Variants in SEC14L1 observed in about 807,000 individuals in gnomAD.
SEC14L1 encodes the protein SEC14 like lipid binding 1, also known as SEC14-like protein 1.
A neutral mutation model predicts 85.3 loss-of-function variants in SEC14L1; 48 were observed. The ratio of observed to expected loss-of-function variants is 0.56; its 90% confidence interval spans 0.45 to 0.72. The LOEUF is 0.72. SEC14L1 is among the 30% of genes least tolerant of loss of function. The probability of loss-of-function intolerance (pLI) is 0.00; values close to 1 mark genes in which losing one functional copy is unlikely to be tolerated. For synonymous variants in SEC14L1, 391 were observed against 355.5 expected (o/e 1.10, Z -1.12); for missense variants, 682 against 921.4 (o/e 0.74, Z 3.36).
chr17:77,103,884 C>T (rs944794315), intron 3 of SEC14L1, among the ~76,000 whole-genome samples: 1 of 151,006 alleles, frequency 6.6e-6, no homozygotes, highest in Non-Finnish European at 1.5e-5. Flanking sequence ...CGGCACCGGG[C>T]GGGGTCCCAG....
At chr17:77,145,892 C>A (rs1286138557) in intron 3 of SEC14L1, among the ~76,000 whole-genome samples, 1 of 152,188 alleles carries the variant, frequency 6.6e-6, no homozygotes, top group African/African-American at 2.4e-5. Flanking sequence ...CTGCTTTGCT[C>A]ACTCCTAGTT....
chr17:77,106,585 G>A (rs1442751929), intron 3 of SEC14L1, among the ~76,000 whole-genome samples: 1 of 150,640 alleles, frequency 6.6e-6, no homozygotes, highest in Non-Finnish European at 1.5e-5. Flanking sequence ...TGGATCACCT[G>A]AGGTCAGGAG....
intron 8 of SEC14L1, among the ~76,000 whole-genome samples, chr17:77,197,168 A>G (rs1938546231): frequency 6.6e-6 from 1 of 152,230 alleles, no homozygotes; most frequent in South Asian, 2.1e-4. Context: ...CCACGTCAGT[A>G]GGCCACATGC....
intron 3 of SEC14L1, among the ~76,000 whole-genome samples, chr17:77,155,792 G>A (rs1199065346): frequency 1.3e-5 from 2 of 152,140 alleles, no homozygotes; most frequent in Non-Finnish European, 1.5e-5. Flanking sequence ...CTAGAATGCA[G>A]TGGTGCCATC....
chr17:77,136,150 C>T (rs1670319168), upstream of SEC14L1, among the ~76,000 whole-genome samples: 1 of 152,088 alleles, frequency 6.6e-6, no homozygotes, highest in African/African-American at 2.4e-5. Context: ...GTTGAGATTA[C>T]AGGCGTGAGC....
At chr17:77,109,739 G>A (rs2143355163) in intron 3 of SEC14L1, among the ~76,000 whole-genome samples, 1 of 152,222 alleles carries the variant, frequency 6.6e-6, no homozygotes, top group African/African-American at 2.4e-5. Context: ...CTCAGCCTTG[G>A]AAGGATATGC....
rs758634012 is a variant in SEC14L1, at chr17:77,200,712, T to G, written c.1009+39T>G. ...TTGAAACTGTGTTTCCATCGTTGTC[T>G]TGATGTGTGGTTGAAGATATCTTCC... On this transcript the variant is annotated intron_variant, in intron 9 of 16. Transcript: ENST00000436233. 21 of 1,579,444 alleles carry G rather than the reference T, an allele frequency of 1.3e-5. No homozygotes were observed. The South Asian group carries it at 2.1e-4, about 16-fold the overall frequency.
chr17:77,153,103 C>T (rs758923946), intron 3 of SEC14L1, among the ~76,000 whole-genome samples: 7 of 152,074 alleles, frequency 4.6e-5, no homozygotes, highest in Non-Finnish European at 8.8e-5. Flanking sequence ...GAGTTTCACT[C>T]GTCACCCAGG....
chr17:77,121,043 G>C (rs988373681), intron 3 of SEC14L1, among the ~76,000 whole-genome samples: 2 of 152,352 alleles, frequency 1.3e-5, no homozygotes, highest in Admixed American at 1.3e-4. Context: ...TGAGGTGGCA[G>C]CTCCATCGGT....
chr17:77,200,236 C>G (rs1365581784), intron 8 of SEC14L1, among the ~76,000 whole-genome samples: 1 of 152,052 alleles, frequency 6.6e-6, no homozygotes, highest in African/African-American at 2.4e-5. Context: ...GTAATGTGAT[C>G]TCGGCTCGCT....
intron 3 of SEC14L1, among the ~76,000 whole-genome samples, chr17:77,168,418 A>C (rs1178714837): frequency 6.6e-6 from 1 of 152,224 alleles, no homozygotes. Flanking sequence ...AGCTGTTTCT[A>C]TAAGTCCTTG....
chr17:77,206,288 G>C lies in SEC14L1; in HGVS notation c.1229G>C (p.Gly410Ala), dbSNP rs1264891219. 1.2e-6 allele frequency: 2 copies of C among 1,614,060 alleles called. No individual in the cohort carries two copies. The highest frequency in any genetic ancestry group is 1.7e-6 in the Non-Finnish European group (2 of 1,180,034). ...AACATGCGCCACTTGTGGAGACCTG[G>C]TGTGAAAGCGCTGCTGCGGATCATC... is the stretch of plus-strand genomic sequence containing the variant. ...GLNMRHLWRPGVKALLRIIEV... is the reference protein window; with the variant it reads ...GLNMRHLWRPAVKALLRIIEV... The change falls in exon 12 of 17, where the codon GGT becomes GCT. Residue 410 changes from glycine to alanine, a missense_variant. Coordinates refer to ENST00000436233, the MANE Select transcript of SEC14L1 (RefSeq NM_001143998.2). This position sits in a 1 kb window ranked among gnomAD's most constrained non-coding sequence, Gnocchi z 4.3.
At chr17:77,159,287 G>A (rs1404856371) in intron 3 of SEC14L1, among the ~76,000 whole-genome samples, 6 of 151,196 alleles carry the variant, frequency 4.0e-5, no homozygotes, top group Admixed American at 3.3e-4. Context: ...GGCTGGTCTC[G>A]AACTTCTGAC....
At chr17:77,175,094 G>A (rs2143706214) in intron 3 of SEC14L1, among the ~76,000 whole-genome samples, 1 of 152,346 alleles carries the variant, frequency 6.6e-6, no homozygotes, top group Admixed American at 6.5e-5. Flanking sequence ...CACAACAAGA[G>A]CAGGAGGGTT....
In SEC14L1 at chr17:77,142,762, C is replaced by T. The variant is rs773907697; in HGVS notation, c.-31+12C>T. The T allele has an allele frequency of 6.6e-6, 1 of 152,054 alleles. No homozygotes were observed. The highest frequency in any genetic ancestry group is 2.4e-5 in the African/African-American group (1 of 41,380). The allele number at this position is 152,054 out of a possible 1,614,324, so 9.4% of individuals were successfully genotyped here. ...CCTCAACAAGACAGGTAGGCTCATTCGATTTTTCTTTCTCACTTTAAATAG... is the reference window on the plus strand; with the variant it reads ...CCTCAACAAGACAGGTAGGCTCATTTGATTTTTCTTTCTCACTTTAAATAG... On this transcript the variant is annotated intron_variant, in intron 2 of 16. Transcript: ENST00000436233.
chr17:77,204,522 C>CCTTT (rs1555628453), intron 10 of SEC14L1, among the ~76,000 whole-genome samples: 4 of 84,728 alleles, frequency 4.7e-5, no homozygotes, highest in African/African-American at 7.9e-5. Context: ...GCCCAGCCAG[C>CCTTT]TTTTTTTTTT....
intron 3 of SEC14L1, among the ~76,000 whole-genome samples, chr17:77,151,131 TA>T (rs1439281813): frequency 1.3e-5 from 2 of 152,206 alleles, no homozygotes; most frequent in African/African-American, 4.8e-5. Context: ...CCCAAACGAA[TA>T]AGCAATCTAC....
At chr17:77,209,298 G>T in intron 13 of SEC14L1, 44 bp from the exon 14 acceptor site, 2 of 1,607,664 alleles carry the variant, frequency 1.2e-6, no homozygotes, top group Non-Finnish European at 1.7e-6. Context: ...TCGTGGGGTT[G>T]GTTTGTGTTT....
chr17:77,183,935 G>A (rs1203224990), intron 3 of SEC14L1, among the ~76,000 whole-genome samples: 4 of 152,004 alleles, frequency 2.6e-5, no homozygotes, highest in African/African-American at 4.8e-5. Context: ...ATAGGCATGC[G>A]CCACCACGCC....
Sources: allele counts gnomAD v4.1 joint callset (sites outside exome capture counted in the v4.1 genomes callset), GRCh38; gene constraint gnomAD v4.1.1; non-coding constraint Gnocchi (gnomAD v3.1); transcripts MANE v1.5; gene names NCBI Gene and HGNC (gene_info 2026-07-23, HGNC 2026-07-21).